Variants in SLC16A13 observed in about 807,000 individuals in gnomAD.
SLC16A13 encodes solute carrier family 16 member 13.
In SLC16A13, 28 loss-of-function variants were observed where a neutral mutation model predicts 28.1. The ratio of observed to expected loss-of-function variants is 1.00; its 90% CI spans 0.74 to 1.37. The LOEUF is 1.37. SLC16A13 is among the 40% of genes most tolerant of loss of function. SLC16A13 has a pLI of 0.00. For synonymous variants in SLC16A13, 228 were observed against 241.6 expected (o/e 0.94, Z 0.52); for missense variants, 482 against 531.8 (o/e 0.91, Z 0.92).
rs182203916 is a variant in SLC16A13 at position 7,036,765 on chromosome 17, A to G, written c.238A>G (p.Arg80Gly). 1.9e-5 allele frequency: 31 copies of G among 1,613,660 alleles called. No homozygotes were observed. The East Asian group carries it at 4.2e-4, about 22-fold the overall frequency. ...GSALSTKFGP[R>G]PVVMTGGILA... ...TGCCCTGAGCACGAAGTTCGGGCCC[A>G]GGCCCGTGGTGATGACTGGAGGCAT... Residue 80 changes from arginine (R) to glycine (G), a missense_variant, in exon 2 of 4, where the codon AGG becomes GGG. By Grantham distance (125) the Arg-to-Gly change is moderately radical (BLOSUM62 -2). Transcript: ENST00000308027.
rs1359816402 is a variant in SLC16A13, at chr17:7,039,433, C to T, written c.1082-330C>T. On this transcript the variant is annotated intron_variant, in intron 3 of 3. Coordinates refer to ENST00000308027, the MANE Select transcript of SLC16A13 (RefSeq NM_201566.3). This position sits in a 1 kb window ranked among gnomAD's most constrained non-coding sequence, Gnocchi z 4.3. Reference sequence around the variant, plus strand: ...TGAGATCGCGCCACTGCACTTCAGCCTGGGCGACAGAGCGAGACTCCGTCT... The same window carrying T: ...TGAGATCGCGCCACTGCACTTCAGCTTGGGCGACAGAGCGAGACTCCGTCT... Among the ~76,000 whole-genome samples, 1 of 149,756 alleles carries T rather than the reference C, an allele frequency of 6.7e-6. No homozygotes were observed. Among genetic ancestry groups the T allele is most frequent in the Admixed American group, 6.7e-5 (1 of 14,838 alleles).
chr17:7,037,400 G>C (rs1910612708), intron 2 of SLC16A13, among the ~76,000 whole-genome samples: 1 of 139,890 alleles, frequency 7.1e-6, no homozygotes. Flanking sequence ...CAGGGCTAAT[G>C]GGACTGGAGT....
chr17:7,038,428 T>C lies in SLC16A13; in HGVS notation c.620T>C (p.Leu207Pro). The change falls in exon 3 of 4, where the codon CTC becomes CCC. Residue 207 changes from leucine (L) to proline (P), a missense_variant. By Grantham distance (98) the Leu-to-Pro change is moderately conservative. Coordinates refer to ENST00000308027, the MANE Select transcript of SLC16A13 (RefSeq NM_201566.3). This position sits in a 1 kb window ranked among gnomAD's most constrained non-coding sequence, Gnocchi z 5.7. ...GCTGTGGGTGGTCCCAGGGCCCAAC[T>C]CACCTCTCTCCTCCATCATGGCCCC... ...DPAVGGPRAQ[L>P]TSLLHHGPFL... is the part of the protein sequence containing the mutation. 1 of 1,613,970 alleles carries C rather than the reference T, an allele frequency of 6.2e-7. No individual in the cohort carries two copies. Among genetic ancestry groups the C allele is most frequent in the Non-Finnish European group, 8.5e-7 (1 of 1,179,968 alleles).
chr17:7,039,797 T>C lies in SLC16A13; in HGVS notation c.1116T>C (p.Ala372=). The change falls in exon 4 of 4, where the codon GCT becomes GCC. Residue 372 remains alanine (A), a synonymous_variant. Coordinates refer to ENST00000308027, the MANE Select transcript of SLC16A13 (RefSeq NM_201566.3). This position sits in a 1 kb window ranked among gnomAD's most constrained non-coding sequence, Gnocchi z 4.3. ...YLRDVTGNYT[A]SFVVAGAFLL... is the part of the protein sequence containing the mutation. The stretch of plus-strand genomic sequence containing the variant: ...GGGATGTGACAGGCAACTACACGGC[T>C]TCTTTTGTGGTGGCTGGGGCCTTCC... 6.2e-7 allele frequency: 1 copy of C among 1,614,180 alleles called. No homozygotes were observed.
Position 7,036,376 on chromosome 17 carries a change from C to G in SLC16A13, c.-7C>G, listed in dbSNP as rs776482970. 6.2e-7 allele frequency: 1 copy of G among 1,603,574 alleles called. No homozygotes were observed. Among genetic ancestry groups the G allele is most frequent in the Non-Finnish European group, 8.5e-7 (1 of 1,175,276 alleles). ...CTCTGGGTGGCAGCAGCCCTGTTAC[C>G]GCTTAGATGGCGCGCAGGACAGAGC... On this transcript the variant is annotated 5_prime_UTR_variant, in exon 1 of 4. Coordinates refer to ENST00000308027, the MANE Select transcript of SLC16A13 (RefSeq NM_201566.3).
chr17:7,038,897 G>A lies in SLC16A13; in HGVS notation c.1081+8G>A, dbSNP rs2151669000. ...TGGGGCCTCCTCTCTCAGGTAAGTGGAATGGGGTTCCCAGGGGGTGAGGGC... is the reference window on the plus strand; with the variant it reads ...TGGGGCCTCCTCTCTCAGGTAAGTGAAATGGGGTTCCCAGGGGGTGAGGGC... On this transcript the variant is annotated splice_region_variant and intron_variant, in intron 3 of 3. Coordinates refer to ENST00000308027, the MANE Select transcript of SLC16A13 (RefSeq NM_201566.3). This position sits in a 1 kb window ranked among gnomAD's most constrained non-coding sequence, Gnocchi z 5.7. 2 of 1,595,950 alleles carry A rather than the reference G, an allele frequency of 1.3e-6. No homozygotes were observed. Among genetic ancestry groups the A allele is most frequent in the Middle Eastern group, 1.7e-4 (1 of 5,978 alleles).
chr17:7,036,262 G>T lies in SLC16A13; in HGVS notation c.-121G>T. 2.0e-6 allele frequency: 2 copies of T among 992,244 alleles called. No individual in the cohort carries two copies. Among genetic ancestry groups the T allele is most frequent in the South Asian group, 1.6e-5 (1 of 62,598 alleles). The allele number at this position is 992,244 out of a possible 1,614,324, so 61.5% of individuals were successfully genotyped here. On this transcript the variant is annotated 5_prime_UTR_variant, in exon 1 of 4. Transcript: ENST00000308027. ...CTCGTCGGGCCCTTCCTCTCTACCT[G>T]CCTCTCCAACCCCTCTCGGCCCCGA...
In SLC16A13 at chr17:7,039,947, G is replaced by T. The variant is rs4796576; in HGVS notation, c.1266G>T (p.Gly422=). The T allele has an allele frequency of 1.2e-6, 2 of 1,613,312 alleles. No homozygotes were observed. Among genetic ancestry groups the T allele is most frequent in the Admixed American group, 1.7e-5 (1 of 59,972 alleles). ...CTAAAGTTCCCCTACCCAAGGAGGG[G>T]CTGGAAGAGGACTGAACTCCACAGA... ...LDTKVPLPKE[G]LEED is the part of the protein sequence containing the mutation. Residue 422 remains glycine, a synonymous_variant, in exon 4 of 4, where the codon GGG becomes GGT. Transcript: ENST00000308027. This position sits in a 1 kb window ranked among gnomAD's most constrained non-coding sequence, Gnocchi z 4.3.
In SLC16A13 at chr17:7,038,378, C is replaced by T; in HGVS notation, c.570C>T (p.Arg190=). ...TAGTGGCCTGTGGTGCTCTCCTCCG[C>T]CCACCCTCCCTGGCTGAGGACCCTG... ...LHLVACGALL[R]PPSLAEDPAV... Residue 190 remains arginine, a synonymous_variant, in exon 3 of 4, where the codon CGC becomes CGT. Coordinates refer to ENST00000308027, the MANE Select transcript of SLC16A13 (RefSeq NM_201566.3). The surrounding 1 kb of genome is among the most constrained non-coding windows in gnomAD (Gnocchi z 5.7). The T allele has an allele frequency of 2.5e-6, 4 of 1,614,088 alleles. No homozygotes were observed. Among genetic ancestry groups the T allele is most frequent in the Non-Finnish European group, 3.4e-6 (4 of 1,180,010 alleles).
Position 7,039,922 on chromosome 17 carries a change from C to T in SLC16A13, c.1241C>T (p.Thr414Ile), listed in dbSNP as rs768794107. ...GACCTTGTAACAGAAGCACTAGATA[C>T]TAAAGTTCCCCTACCCAAGGAGGGG... Reference protein sequence around the residue: ...PQDLVTEALDTKVPLPKEGLE... With the variant: ...PQDLVTEALDIKVPLPKEGLE... Residue 414 changes from threonine to isoleucine, a missense_variant, in exon 4 of 4, where the codon ACT becomes ATT. Physicochemically the swap from Thr to Ile is moderately conservative, Grantham distance 89. Coordinates refer to ENST00000308027, the MANE Select transcript of SLC16A13 (RefSeq NM_201566.3). This position sits in a 1 kb window ranked among gnomAD's most constrained non-coding sequence, Gnocchi z 4.3. 2 of 1,614,048 alleles carry T rather than the reference C, an allele frequency of 1.2e-6. No individual in the cohort carries two copies. Among genetic ancestry groups the T allele is most frequent in the South Asian group, 1.1e-5 (1 of 91,078 alleles).
At position 7,039,713 on chromosome 17, in the gene SLC16A13, C is replaced by T; in HGVS notation, c.1082-50C>T. 1 of 1,595,722 alleles carries T rather than the reference C, an allele frequency of 6.3e-7. No individual in the cohort carries two copies. The highest frequency in any genetic ancestry group is 2.2e-5 in the East Asian group (1 of 44,672). ...CCCAAAAATGTATCTGAGCCCTCAG[C>T]CCCAGCAAATAGATCACTCATGTGT... On this transcript the variant is annotated intron_variant, in intron 3 of 3. Transcript: ENST00000308027. The surrounding 1 kb of genome is among the most constrained non-coding windows in gnomAD (Gnocchi z 4.3).
In SLC16A13 at chr17:7,038,933, C is replaced by A. The variant is rs746676139; in HGVS notation, c.1081+44C>A. On this transcript the variant is annotated intron_variant, in intron 3 of 3. Coordinates refer to ENST00000308027, the MANE Select transcript of SLC16A13 (RefSeq NM_201566.3). This position sits in a 1 kb window ranked among gnomAD's most constrained non-coding sequence, Gnocchi z 5.7. ...CCAGGGGGTGAGGGCTGCCATGTTG[C>A]ACAACTAGGGGAGGGTACTATTCTC... is the stretch of plus-strand genomic sequence containing the variant. 6.4e-7 allele frequency: 1 copy of A among 1,564,100 alleles called. No individual in the cohort carries two copies. Among genetic ancestry groups the A allele is most frequent in the Admixed American group, 1.9e-5 (1 of 53,998 alleles).
chr17:7,036,469 G>A lies in SLC16A13; in HGVS notation c.87G>A (p.Gly29=), dbSNP rs1297463838. 3.7e-6 allele frequency: 6 copies of A among 1,612,252 alleles called. No homozygotes were observed. Among genetic ancestry groups the A allele is most frequent in the Non-Finnish European group, 5.1e-6 (6 of 1,180,052 alleles). Reference sequence around the variant, plus strand: ...TCTTCCAGTCGGCGCTTGTGTTTGGGGTGCTCCGCTCCTTTGGGGTCTTCT... The same window carrying A: ...TCTTCCAGTCGGCGCTTGTGTTTGGAGTGCTCCGCTCCTTTGGGGTCTTCT... ...SAFFQSALVF[G]VLRSFGVFFV... is the part of the protein sequence containing the mutation. The change falls in exon 1 of 4, where the codon GGG becomes GGA. Residue 29 remains glycine, a synonymous_variant. Coordinates refer to ENST00000308027, the MANE Select transcript of SLC16A13 (RefSeq NM_201566.3).
Position 7,038,702 on chromosome 17 carries a change from C to T in SLC16A13, c.894C>T (p.Phe298=), listed in dbSNP as rs1453164296. 1.2e-6 allele frequency: 2 copies of T among 1,614,174 alleles called. No individual in the cohort carries two copies. The highest frequency in any genetic ancestry group is 2.2e-5 in the South Asian group (2 of 91,082). Reference sequence around the variant, plus strand: ...TGACTGGGGTGTCACTAGCCCTGTTCCCTGTAGCTCAGGCTCCCACAGCCC... The same window carrying T: ...TGACTGGGGTGTCACTAGCCCTGTTTCCTGTAGCTCAGGCTCCCACAGCCC... ...TTLTGVSLAL[F]PVAQAPTALV... is the part of the protein sequence containing the mutation. The change falls in exon 3 of 4, where the codon TTC becomes TTT. Residue 298 remains phenylalanine, a synonymous_variant. Coordinates refer to ENST00000308027, the MANE Select transcript of SLC16A13 (RefSeq NM_201566.3). The surrounding 1 kb of genome is among the most constrained non-coding windows in gnomAD (Gnocchi z 5.7).
Position 7,038,129 on chromosome 17 carries a change from C to T in SLC16A13, c.344-23C>T, listed in dbSNP as rs754820210. ...CCTTGAGCTCCCTAAGAGTTCTCAACACCACTTCTTCCTTTTTGACAGGCT... is the reference window on the plus strand; with the variant it reads ...CCTTGAGCTCCCTAAGAGTTCTCAATACCACTTCTTCCTTTTTGACAGGCT... On this transcript the variant is annotated intron_variant, in intron 2 of 3. Transcript: ENST00000308027. The surrounding 1 kb of genome is among the most constrained non-coding windows in gnomAD (Gnocchi z 5.7). 22 of 1,598,106 alleles carry T rather than the reference C, an allele frequency of 1.4e-5. No homozygotes were observed. The highest frequency in any genetic ancestry group is 1.9e-5 in the Non-Finnish European group (22 of 1,172,160).
intron 2 of SLC16A13, chr17:7,037,079 C>A (rs1249249941): frequency 7.3e-6 from 4 of 551,438 alleles, no homozygotes; most frequent in Non-Finnish European, 1.2e-5. Context: ...TGGCCGGGCA[C>A]GGTGGCTCAC....
intron 2 of SLC16A13, chr17:7,037,082 T>G: frequency 1.8e-6 from 1 of 542,200 alleles, no homozygotes; most frequent in Non-Finnish European, 3.1e-6. Flanking sequence ...CCGGGCACGG[T>G]GGCTCACGCC....
rs770661231 is a variant in SLC16A13 at position 7,038,610 on chromosome 17, G to C, written c.802G>C (p.Val268Leu). ...VAISDLVGRV[V>L]SGWLGDAVPG... ...TATTTCTGACCTCGTGGGGCGTGTG[G>C]TCTCCGGATGGCTGGGAGATGCAGT... is the stretch of plus-strand genomic sequence containing the variant. The change falls in exon 3 of 4, where the codon GTC (valine) becomes CTC (leucine). Residue 268 changes from valine to leucine, a missense_variant. Physicochemically the swap from Val to Leu is conservative, Grantham distance 32 (BLOSUM62 1). Transcript: ENST00000308027. This position sits in a 1 kb window ranked among gnomAD's most constrained non-coding sequence, Gnocchi z 5.7. 6.2e-7 allele frequency: 1 copy of C among 1,614,036 alleles called. No individual in the cohort carries two copies. Among genetic ancestry groups the C allele is most frequent in the African/African-American group, 1.3e-5 (1 of 74,892 alleles).
In SLC16A13 at chr17:7,039,275, G is replaced by A. The variant is rs1910662022; in HGVS notation, c.1081+386G>A. On this transcript the variant is annotated intron_variant, in intron 3 of 3. Transcript: ENST00000308027. This position sits in a 1 kb window ranked among gnomAD's most constrained non-coding sequence, Gnocchi z 4.3. ...CTGGCTCAGGGTGCCAGAACTTTCA[G>A]ACCTTTATCTCCTCTTACCCATTAA... is the stretch of plus-strand genomic sequence containing the variant. 1.3e-5 allele frequency among the ~76,000 whole-genome samples: 2 copies of A among 152,272 alleles called. No individual in the cohort carries two copies. Among genetic ancestry groups the A allele is most frequent in the South Asian group, 4.1e-4 (2 of 4,828 alleles).
Sources: allele counts gnomAD v4.1 joint callset (sites outside exome capture counted in the v4.1 genomes callset), GRCh38; gene constraint gnomAD v4.1.1; non-coding constraint Gnocchi (gnomAD v3.1); transcripts MANE v1.5; gene names NCBI Gene and HGNC (gene_info 2026-07-23, HGNC 2026-07-21).